Variants in EYS observed in about 807,000 individuals in gnomAD.
EYS encodes protein eyes shut homolog.
A neutral mutation model predicts 282.1 loss-of-function variants in EYS; 250 were observed. The observed-to-expected ratio is 0.89, with a 90% CI of 0.80 to 0.98. EYS has a LOEUF of 0.98. Among genes scored for constraint, EYS ranks in the 50% least tolerant of loss-of-function variants. The probability of loss-of-function intolerance (pLI) is 0.00; values close to 1 mark genes in which losing one functional copy is unlikely to be tolerated. For synonymous variants in EYS, 1,355 were observed against 1,282.9 expected (o/e 1.06, Z -1.20); for missense variants, 4,016 against 3,709.0 (o/e 1.08, Z -2.15).
At chr6:64,456,464 C>CAT (rs895305388) in intron 26 of EYS, among the ~76,000 whole-genome samples, 4 of 151,928 alleles carry the variant, frequency 2.6e-5, no homozygotes, top group African/African-American at 9.7e-5. Context: ...TTACCAATTA[C>CAT]ATATATGGGA....
chr6:64,417,155 C>T (rs961074830), intron 28 of EYS, among the ~76,000 whole-genome samples: 1 of 152,174 alleles, frequency 6.6e-6, no homozygotes, highest in African/African-American at 2.4e-5. Flanking sequence ...AAAAGCTATA[C>T]ACATATATTT....
At chr6:65,687,880 G>A (rs1254960478) in intron 1 of EYS, among the ~76,000 whole-genome samples, 1 of 152,144 alleles carries the variant, frequency 6.6e-6, no homozygotes, top group African/African-American at 2.4e-5. Flanking sequence ...TACAAGGGAT[G>A]TGAAGGACCT....
At chr6:63,964,492 C>T (rs896933964) in intron 35 of EYS, among the ~76,000 whole-genome samples, 1 of 152,156 alleles carries the variant, frequency 6.6e-6, no homozygotes, top group African/African-American at 2.4e-5. Context: ...GGAAAAGGAA[C>T]TGTTGATTTG....
chr6:65,400,057 G>A (rs1452549595), intron 7 of EYS, among the ~76,000 whole-genome samples: 1 of 151,988 alleles, frequency 6.6e-6, no homozygotes, highest in African/African-American at 2.4e-5. Context: ...GTATCAACAT[G>A]CAAAAGTGCC....
chr6:64,412,001 G>A (rs1006907669), intron 28 of EYS, among the ~76,000 whole-genome samples: 7 of 84,978 alleles, frequency 8.2e-5, no homozygotes, highest in African/African-American at 2.2e-4. Flanking sequence ...ATGTGTATTA[G>A]TAAAATCTGT....
intron 14 of EYS, among the ~76,000 whole-genome samples, chr6:64,956,663 A>G (rs560483297): frequency 1.1e-3 from 166 of 152,302 alleles, no homozygotes; most frequent in Non-Finnish European, 1.8e-3. Flanking sequence ...GAATGAGAGG[A>G]AAATTTTTGT....
chr6:64,358,055 T>C (rs551403938), intron 29 of EYS, among the ~76,000 whole-genome samples: 3 of 151,738 alleles, frequency 2.0e-5, no homozygotes, highest in African/African-American at 7.2e-5. Context: ...AAAATGGATA[T>C]GTCTCCTGTT....
chr6:64,863,718 CTG>C (rs1223193993), intron 19 of EYS, among the ~76,000 whole-genome samples: 1 of 152,152 alleles, frequency 6.6e-6, no homozygotes, highest in East Asian at 1.9e-4. Context: ...TTTCAACACT[CTG>C]TGGACTCTAA....
chr6:64,410,571 C>G (rs1181803673), intron 28 of EYS, among the ~76,000 whole-genome samples: 4 of 152,182 alleles, frequency 2.6e-5, no homozygotes, highest in African/African-American at 9.6e-5. Context: ...GTTCCAAATG[C>G]CATTCTATCT....
chr6:65,137,569 A>C (rs1157628572), intron 12 of EYS, among the ~76,000 whole-genome samples: 1 of 152,128 alleles, frequency 6.6e-6, no homozygotes, highest in African/African-American at 2.4e-5. Context: ...AAAAAGAAGT[A>C]TCTGAGGAAA....
intron 26 of EYS, among the ~76,000 whole-genome samples, chr6:64,509,453 T>C (rs1402373741): frequency 6.6e-6 from 1 of 152,166 alleles, no homozygotes; most frequent in African/African-American, 2.4e-5. Context: ...CCTTAAAGTG[T>C]GTCATGTAAT....
intron 12 of EYS, among the ~76,000 whole-genome samples, chr6:65,095,256 A>T (rs1453587129): frequency 6.6e-6 from 1 of 151,288 alleles, no homozygotes; most frequent in East Asian, 1.9e-4. Flanking sequence ...CAGAGGCCGT[A>T]GTATTGGGGG....
In EYS at chr6:65,531,411, C is replaced by T. The variant is rs369733955; in HGVS notation, c.-332-35418G>A. Among the ~76,000 whole-genome samples the T allele has an allele frequency of 2.6e-4, 40 of 152,212 alleles. No individual in the cohort carries two copies. The East Asian group carries it at 7.5e-3, about 29-fold the overall frequency. ...ATACAAAGGTCTATGTTATGTTCAG[C>T]ATTCGGGATTCTGGGATTAAATGGA... On this transcript the variant is annotated intron_variant, in intron 2 of 42. Coordinates refer to ENST00000503581, the MANE Select transcript of EYS (RefSeq NM_001142800.2).
intron 35 of EYS, among the ~76,000 whole-genome samples, chr6:63,892,586 G>T (rs549617748): frequency 1.3e-5 from 2 of 152,220 alleles, no homozygotes; most frequent in South Asian, 4.1e-4. Context: ...AACTCAAAAT[G>T]AATTAAACAT....
chr6:64,228,524 T>C, intron 31 of EYS, among the ~76,000 whole-genome samples: 1 of 152,172 alleles, frequency 6.6e-6, no homozygotes, highest in East Asian at 1.9e-4. Flanking sequence ...AGTCATAGTG[T>C]CTGATTATCA....
chr6:64,583,055 A>G lies in EYS; in HGVS notation c.5644+7168T>C, dbSNP rs1425027365. Among the ~76,000 whole-genome samples, 2 of 152,172 alleles carry G rather than the reference A, an allele frequency of 1.3e-5. 1 individual carries two copies. The highest frequency in any genetic ancestry group is 1.3e-4 in the Admixed American group (2 of 15,262). On this transcript the variant is annotated intron_variant, in intron 26 of 42. Transcript: ENST00000503581. ...AACAAAAGTGACATTATATATTGTTACAAAAGATTCTGTCTTCCATGCAAA... is the reference window on the plus strand; with the variant it reads ...AACAAAAGTGACATTATATATTGTTGCAAAAGATTCTGTCTTCCATGCAAA...
rs116499259 is a variant in EYS, at chr6:64,162,578, C to T, written c.6424+68014G>A. Among the ~76,000 whole-genome samples, 869 of 152,120 alleles carry T rather than the reference C, an allele frequency of 5.7e-3. 8 individuals are homozygous for T. Among genetic ancestry groups the T allele is most frequent in the African/African-American group, 0.02 (825 of 41,516 alleles). ...AAGCTAAGTCCTCTGTTGGTGAAAG[C>T]GCAATGGTTTAGGATTAGGAATTAG... is the stretch of plus-strand genomic sequence containing the variant. On this transcript the variant is annotated intron_variant, in intron 31 of 42. Coordinates refer to ENST00000503581, the MANE Select transcript of EYS (RefSeq NM_001142800.2).
At chr6:64,535,859 A>C (rs772390784) in intron 26 of EYS, among the ~76,000 whole-genome samples, 1 of 152,152 alleles carries the variant, frequency 6.6e-6, no homozygotes, top group South Asian at 2.1e-4. Flanking sequence ...TTTTTTTGTC[A>C]TTTTAACTTA....
chr6:65,191,274 A>C (rs1765634883), intron 12 of EYS, among the ~76,000 whole-genome samples: 1 of 151,868 alleles, frequency 6.6e-6, no homozygotes, highest in Admixed American at 6.6e-5. Context: ...ACAAAATAAC[A>C]CCTACCTGCT....
Sources: gnomAD v4.1 joint callset for allele counts (sites outside exome capture counted in the v4.1 genomes callset) on GRCh38, gnomAD v4.1.1 for gene constraint, MANE v1.5 for transcripts, NCBI Gene and HGNC (gene_info 2026-07-23, HGNC 2026-07-21) for gene names.